Variants in RBFOX1 observed in about 807,000 individuals in gnomAD.
RBFOX1 encodes RNA binding protein fox-1 homolog 1.
In RBFOX1, 8 loss-of-function variants were observed where a neutral mutation model predicts 57.7. That is an observed-to-expected ratio of 0.14 (90% confidence interval 0.08 to 0.25). The LOEUF (loss-of-function observed/expected upper bound fraction) is 0.25, where lower values mean the gene tolerates loss of function less well. RBFOX1 is among the 10% of genes least tolerant of loss of function. The pLI, the probability that RBFOX1 is intolerant of heterozygous loss-of-function variation, is 1.00. For missense variants in RBFOX1, 611 were observed against 548.5 expected (o/e 1.11, Z -1.14); for synonymous variants, 326 against 222.4 (o/e 1.47, Z -4.15).
chr16:6,211,188 C>CTTT (rs71142694), intron 1 of RBFOX1, among the ~76,000 whole-genome samples: 1 of 91,308 alleles, frequency 1.1e-5, no homozygotes. Context: ...TTTTCTTCTT[C>CTTT]TTTTTTTTTT....
At chr16:5,461,297 C>A (rs1033735670) in intron 1 of RBFOX1, among the ~76,000 whole-genome samples, 3 of 152,158 alleles carry the variant, frequency 2.0e-5, no homozygotes, top group African/African-American at 7.2e-5. Flanking sequence ...ATTAGAGGCT[C>A]GATGATCTGC....
chr16:6,515,966 AC>A (rs1434975885), intron 2 of RBFOX1, among the ~76,000 whole-genome samples: 3 of 152,100 alleles, frequency 2.0e-5, no homozygotes, highest in African/African-American at 4.8e-5. Flanking sequence ...GTACTGAAAT[AC>A]CTGAACCCTG....
intron 5 of RBFOX1, among the ~76,000 whole-genome samples, chr16:7,553,876 G>A (rs1453857871): frequency 1.3e-5 from 2 of 152,174 alleles, no homozygotes; most frequent in Admixed American, 6.5e-5. Flanking sequence ...CTGTCAGCCT[G>A]GCAGGTCTTT....
intron 2 of RBFOX1, among the ~76,000 whole-genome samples, chr16:6,456,138 T>C (rs1313656707): frequency 6.6e-6 from 1 of 152,226 alleles, no homozygotes; most frequent in Non-Finnish European, 1.5e-5. Flanking sequence ...GCTGGGGTTT[T>C]GATAGATGCT....
At chr16:7,483,322 G>GAATC (rs2064503130) in intron 4 of RBFOX1, among the ~76,000 whole-genome samples, 1 of 152,186 alleles carries the variant, frequency 6.6e-6, no homozygotes, top group Non-Finnish European at 1.5e-5. Context: ...TGGCAGACCT[G>GAATC]TTGTCCTATC....
chr16:5,915,050 C>G (rs920720094), intron 4 of RBFOX1, among the ~76,000 whole-genome samples: 4 of 152,160 alleles, frequency 2.6e-5, no homozygotes, highest in East Asian at 1.9e-4. Flanking sequence ...TGAGTTTACA[C>G]CCAAGGGGAG....
At position 5,320,660 on chromosome 16, in the gene RBFOX1, T is replaced by C. The variant is rs969275654; in HGVS notation, c.219+80555T>C. Among the ~76,000 whole-genome samples, 3 of 152,210 alleles carry C rather than the reference T, an allele frequency of 2.0e-5. No individual in the cohort carries two copies. The South Asian group carries it at 6.2e-4, about 31-fold the overall frequency. Reference sequence around the variant, plus strand: ...AGGAGAGGAGAGCTTGTAGAGATGATGTGCTCAGGCAGGTGTAGCCACGGG... The same window carrying C: ...AGGAGAGGAGAGCTTGTAGAGATGACGTGCTCAGGCAGGTGTAGCCACGGG... On this transcript the variant is annotated intron_variant, in intron 1 of 2. Transcript: ENST00000585867.
At position 6,855,817 on chromosome 16, in the gene RBFOX1, T is replaced by TCCTCCTTCCATC. The variant is rs2081517079; in HGVS notation, c.-15-196231_-15-196230insATCCCTCCTTCC. Among the ~76,000 whole-genome samples, 2 of 112,954 alleles carry TCCTCCTTCCATC rather than the reference T, an allele frequency of 1.8e-5. 1 individual carries two copies. The highest frequency in any genetic ancestry group is 5.9e-4 in the South Asian group (2 of 3,370). The allele number at this position is 112,954 out of a possible 152,430, so 74.1% of individuals were successfully genotyped here. A position where few individuals can be genotyped will look rare whatever the true frequency, so the allele number is the denominator to read the frequency against. ...TGATAAATTTCCTTCTTCCCTTCCT[T>TCCTCCTTCCATC]CCTCCTTCCCTCCCTCCTTCCCTCC... On this transcript the variant is annotated intron_variant, in intron 3 of 15. Coordinates refer to ENST00000550418, the MANE Select transcript of RBFOX1 (RefSeq NM_018723.4).
At chr16:7,485,429 G>A (rs369161564) in intron 4 of RBFOX1, among the ~76,000 whole-genome samples, 3 of 152,098 alleles carry the variant, frequency 2.0e-5, no homozygotes, top group Admixed American at 6.5e-5. Flanking sequence ...AGATTAACAC[G>A]CTCAATAGGT....
intron 1 of RBFOX1, among the ~76,000 whole-genome samples, chr16:6,110,789 G>A (rs1019588393): frequency 2.0e-5 from 3 of 152,192 alleles, no homozygotes; most frequent in African/African-American, 7.2e-5. Flanking sequence ...TTTCACTGCT[G>A]CAACCAGGGA....
At chr16:6,820,416 G>A (rs2091064810) in intron 3 of RBFOX1, among the ~76,000 whole-genome samples, 1 of 152,092 alleles carries the variant, frequency 6.6e-6, no homozygotes, top group African/African-American at 2.4e-5. Context: ...CAGCATTTTG[G>A]GAGGCTGGGG....
In RBFOX1 at chr16:7,428,302, T is replaced by A. The variant is rs2098642299; in HGVS notation, c.28-89845T>A. On this transcript the variant is annotated intron_variant, in intron 4 of 15. Transcript: ENST00000550418. ...TGAATAAGTTTTGTATGAGATATAT[T>A]TGACCTATGAGAATTAATATCTTTT... Among the ~76,000 whole-genome samples the A allele has an allele frequency of 3.3e-5, 5 of 151,546 alleles. No individual in the cohort carries two copies. In the South Asian group the frequency reaches 1.0e-3, roughly 32 times the overall value.
intron 3 of RBFOX1, among the ~76,000 whole-genome samples, chr16:5,818,770 T>C (rs1173354369): frequency 6.6e-6 from 1 of 152,204 alleles, no homozygotes; most frequent in African/African-American, 2.4e-5. Flanking sequence ...CTGCAGCTAA[T>C]GTCTCCCCTG....
At chr16:6,566,365 A>T (rs1414258909) in intron 2 of RBFOX1, among the ~76,000 whole-genome samples, 1 of 152,090 alleles carries the variant, frequency 6.6e-6, no homozygotes, top group Non-Finnish European at 1.5e-5. Context: ...TAGTTATAGT[A>T]TTGTCATTCT....
intron 3 of RBFOX1, among the ~76,000 whole-genome samples, chr16:5,854,697 G>A (rs1407993157): frequency 2.0e-5 from 3 of 152,112 alleles, no homozygotes; most frequent in Admixed American, 6.5e-5. Flanking sequence ...CAGCGAACAT[G>A]GGGGTGCACA....
At chr16:6,977,371 T>C (rs2087311180) in intron 3 of RBFOX1, among the ~76,000 whole-genome samples, 1 of 152,120 alleles carries the variant, frequency 6.6e-6, no homozygotes, top group South Asian at 2.1e-4. Context: ...GTTCTCTAGA[T>C]ACCGGGATAT....
Position 7,215,771 on chromosome 16 carries a change from C to T in RBFOX1, c.27+163673C>T, listed in dbSNP as rs372428759. ...ACGGAGTCTTGCTCTGTTGTCCAGG[C>T]GGGAGTGCAGTGGCGTGATCTCGGC... On this transcript the variant is annotated intron_variant, in intron 4 of 15. Transcript: ENST00000550418. Among the ~76,000 whole-genome samples, 54 of 143,140 alleles carry T rather than the reference C, an allele frequency of 3.8e-4. 1 individual carries two copies. The highest frequency in any genetic ancestry group is 1.7e-3 in the Admixed American group (23 of 13,684). 93.9% of individuals were successfully genotyped at this position (143,140 alleles called of 152,430 possible).
chr16:5,988,080 C>T (rs1260860959), intron 4 of RBFOX1, among the ~76,000 whole-genome samples: 2 of 152,160 alleles, frequency 1.3e-5, no homozygotes, highest in African/African-American at 4.8e-5. Context: ...ACATGTGCTC[C>T]CGACATCATG....
chr16:6,246,975 C>G (rs2097572735), intron 1 of RBFOX1, among the ~76,000 whole-genome samples: 2 of 152,146 alleles, frequency 1.3e-5, no homozygotes, highest in South Asian at 4.1e-4. Flanking sequence ...GAGGCTGAGA[C>G]AGGAGAATCG....
Sources: allele counts gnomAD v4.1 joint callset (sites outside exome capture counted in the v4.1 genomes callset), GRCh38; gene constraint gnomAD v4.1.1; transcripts MANE v1.5; gene names NCBI Gene and HGNC (gene_info 2026-07-23, HGNC 2026-07-21).